The following SLFN12L variants were observed in gnomAD, a reference collection of about 807,000 sequenced individuals.
SLFN12L encodes the protein schlafen family member 12-like.
Under a neutral mutation model 34.8 loss-of-function variants are expected in SLFN12L, and 34 were observed. The ratio of observed to expected loss-of-function variants is 0.98; its 90% CI spans 0.74 to 1.30. The LOEUF is 1.30. SLFN12L is among the 50% of genes most tolerant of loss of function. SLFN12L has a pLI of 0.00. For synonymous variants in SLFN12L, 259 were observed against 247.5 expected, an observed-to-expected ratio of 1.05 and a Z score of -0.44; for missense variants, 703 against 696.2, an observed-to-expected ratio of 1.01 and a Z score of -0.11.
chr17:35,496,651 G>C (rs1012453812), intron 2 of SLFN12L, among the ~76,000 whole-genome samples: 4 of 152,052 alleles, frequency 2.6e-5, no homozygotes, highest in African/African-American at 7.2e-5. Context: ...TTTAAAGCCT[G>C]TGCAGTAGGC....
At chr17:35,537,065 G>A (rs2072469211) in intron 1 of SLFN12L, among the ~76,000 whole-genome samples, 1 of 152,046 alleles carries the variant, frequency 6.6e-6, no homozygotes, top group South Asian at 2.1e-4. Context: ...TGTAGTCCCC[G>A]CACTTTCAAA....
At chr17:35,519,042 C>T (rs981319150) in intron 2 of SLFN12L, among the ~76,000 whole-genome samples, 1 of 152,174 alleles carries the variant, frequency 6.6e-6, no homozygotes, top group East Asian at 1.9e-4. Flanking sequence ...TTTGCAAAGA[C>T]GTGGATGAAG....
At position 35,480,146 on chromosome 17, in the gene SLFN12L, T is replaced by C. The variant is rs759391987; in HGVS notation, c.136A>G (p.Ser46Gly). ...GCATAGTTTGTGTCTAAATCAATAC[T>C]GATGTTCATTTTCCCAGCAGCTAAG... ...NGLAAGKMNI[S>G]IDLDTNYAEL... The change falls in exon 3 of 5, where the codon AGT becomes GGT. Residue 46 changes from serine to glycine, a missense_variant. Physicochemically the swap from Ser to Gly is moderately conservative, Grantham distance 56. Coordinates refer to ENST00000628453, the MANE Select transcript of SLFN12L (RefSeq NM_001363830.2). 2 of 1,606,074 alleles carry C rather than the reference T, an allele frequency of 1.2e-6. No individual in the cohort carries two copies. The highest frequency in any genetic ancestry group is 1.7e-6 in the Non-Finnish European group (2 of 1,176,530).
chr17:35,499,104 A>T, intron 2 of SLFN12L: 1 of 838,114 alleles, frequency 1.2e-6, no homozygotes, highest in East Asian at 3.6e-5. Flanking sequence ...CTTACAATCC[A>T]GGAAGTTAAA....
chr17:35,489,902 A>T, intron 2 of SLFN12L: 1 of 931,786 alleles, frequency 1.1e-6, no homozygotes, highest in Non-Finnish European at 1.7e-6. Flanking sequence ...ATGACAGTTT[A>T]TACAGCACAG....
intron 1 of SLFN12L, 82 bp from the exon 2 acceptor site, chr17:35,523,051 T>A: frequency 3.1e-6 from 1 of 321,624 alleles, no homozygotes; most frequent in Non-Finnish European, 5.6e-6. Context: ...AACTGATTAA[T>A]ATATTTGATT....
intron 2 of SLFN12L, among the ~76,000 whole-genome samples, chr17:35,515,592 C>T (rs1180682370): frequency 6.7e-6 from 1 of 149,042 alleles, no homozygotes; most frequent in African/African-American, 2.5e-5. Flanking sequence ...CCTCAGCCTT[C>T]TGCGTAGCTG....
At chr17:35,495,912 CACACA>C (rs1046671627) in intron 2 of SLFN12L, among the ~76,000 whole-genome samples, 1 of 99,676 alleles carries the variant, frequency 1.0e-5, no homozygotes, top group African/African-American at 2.9e-5. Flanking sequence ...CACACACACA[CACACA>C]CACACACACA....
intron 2 of SLFN12L, among the ~76,000 whole-genome samples, chr17:35,509,847 G>A (rs1320129509): frequency 6.6e-6 from 1 of 151,948 alleles, no homozygotes; most frequent in Non-Finnish European, 1.5e-5. Context: ...ACAGGTGCCT[G>A]CCACCACGCC....
chr17:35,530,515 A>AGAG, intron 1 of SLFN12L, among the ~76,000 whole-genome samples: 1 of 36,268 alleles, frequency 2.8e-5, no homozygotes, highest in Non-Finnish European at 6.6e-5. Flanking sequence ...AAAGAAAGAA[A>AGAG]AGAAAAGAAA....
intron 1 of SLFN12L, among the ~76,000 whole-genome samples, chr17:35,532,247 C>G (rs2072418435): frequency 6.6e-6 from 1 of 152,066 alleles, no homozygotes; most frequent in South Asian, 2.1e-4. Flanking sequence ...TGAGACCAGC[C>G]TGGCCAACAT....
intron 2 of SLFN12L, among the ~76,000 whole-genome samples, chr17:35,516,962 C>T (rs1048762432): frequency 2.0e-5 from 3 of 152,096 alleles, no homozygotes; most frequent in Admixed American, 2.0e-4. Context: ...TTTTGAATCC[C>T]AGTGTCTATT....
chr17:35,478,239 G>T, intron 3 of SLFN12L, 54 bp from the exon 4 acceptor site: 2 of 1,189,696 alleles, frequency 1.7e-6, no homozygotes, highest in Non-Finnish European at 1.2e-6. Context: ...GCATGGGAGA[G>T]ACTCAAGCTA....
chr17:35,497,920 C>T (rs1206180325), intron 2 of SLFN12L, among the ~76,000 whole-genome samples: 1 of 152,218 alleles, frequency 6.6e-6, no homozygotes, highest in Non-Finnish European at 1.5e-5. Context: ...CGAAGTGGCT[C>T]ATGCCTGTAA....
chr17:35,479,903 T>C lies in SLFN12L; in HGVS notation c.379A>G (p.Asn127Asp). ...IGLDLENSFSNMLPFVPNFLD... is the reference protein window; with the variant it reads ...IGLDLENSFSDMLPFVPNFLD... ...AAATTAGGAACAAATGGCAGCATGT[T>C]ACTAAAAGAATTTTCCAAATCTAGC... The change falls in exon 3 of 5, where the codon AAC (asparagine) becomes GAC (aspartate). Residue 127 changes from asparagine (N) to aspartate (D), a missense_variant. By Grantham distance (23) the Asn-to-Asp change is conservative. Coordinates refer to ENST00000628453, the MANE Select transcript of SLFN12L (RefSeq NM_001363830.2). The C allele has an allele frequency of 8.1e-6, 13 of 1,613,224 alleles. No homozygotes were observed. The highest frequency in any genetic ancestry group is 1.1e-5 in the Non-Finnish European group (13 of 1,179,480).
intron 1 of SLFN12L, among the ~76,000 whole-genome samples, chr17:35,525,327 G>A (rs772106886): frequency 1.3e-5 from 2 of 152,070 alleles, no homozygotes; most frequent in Non-Finnish European, 2.9e-5. Flanking sequence ...TAACAAGACA[G>A]GCCAACATTC....
chr17:35,518,930 A>G (rs1452337671), intron 2 of SLFN12L, among the ~76,000 whole-genome samples: 1 of 152,236 alleles, frequency 6.6e-6, no homozygotes, highest in Non-Finnish European at 1.5e-5. Context: ...TTACAATAGC[A>G]AAGACTTGGA....
At chr17:35,530,416 A>AG (rs1325889477) in intron 1 of SLFN12L, among the ~76,000 whole-genome samples, 170 of 12,070 alleles carry the variant, frequency 0.014, 20 homozygotes, top group Middle Eastern at 0.042. Flanking sequence ...GAAGGAAGGA[A>AG]GGAAGGAAGG....
intron 2 of SLFN12L, among the ~76,000 whole-genome samples, chr17:35,488,390 CAG>C (rs1914694431): frequency 6.6e-6 from 1 of 152,232 alleles, no homozygotes; most frequent in South Asian, 2.1e-4. Context: ...CTCAGAGAGA[CAG>C]AGTTGAACAA....
Sources: allele counts gnomAD v4.1 joint callset (sites outside exome capture counted in the v4.1 genomes callset), GRCh38; gene constraint gnomAD v4.1.1; transcripts MANE v1.5; gene names NCBI Gene and HGNC (gene_info 2026-07-23, HGNC 2026-07-21).